The following FOXP1 variants were observed in gnomAD, a reference collection of about 807,000 sequenced individuals.
FOXP1 encodes forkhead box P1.
FOXP1 carries 15 observed loss-of-function variants against 98.2 expected under a neutral mutation model. The ratio of observed to expected loss-of-function variants is 0.15; its 90% CI spans 0.10 to 0.24. The LOEUF is 0.24. Among genes scored for constraint, FOXP1 ranks in the 10% least tolerant of loss-of-function variants. The probability of loss-of-function intolerance (pLI) is 1.00; values close to 1 mark genes in which losing one functional copy is unlikely to be tolerated. For synonymous variants in FOXP1, 371 were observed against 314.5 expected, an observed-to-expected ratio of 1.18 and a Z score of -1.90; for missense variants, 633 against 848.5, an observed-to-expected ratio of 0.75 and a Z score of 3.15.
chr3:71,438,274 C>T (rs2085561404), intron 3 of FOXP1, among the ~76,000 whole-genome samples: 1 of 152,168 alleles, frequency 6.6e-6, no homozygotes, highest in Admixed American at 6.5e-5. Flanking sequence ...AATGTTGTCC[C>T]TTATTCTTCA....
intron 2 of FOXP1, among the ~76,000 whole-genome samples, chr3:71,517,474 G>C (rs2042666387): frequency 6.6e-6 from 1 of 152,134 alleles, no homozygotes; most frequent in Non-Finnish European, 1.5e-5. Context: ...TTAACTGTCA[G>C]GGAAATGTCT....
chr3:71,032,250 A>C (rs955723605), intron 11 of FOXP1, among the ~76,000 whole-genome samples: 5 of 152,230 alleles, frequency 3.3e-5, no homozygotes, highest in South Asian at 2.1e-4. Context: ...TCCCATATTA[A>C]CACCACCTGG....
intron 6 of FOXP1, among the ~76,000 whole-genome samples, chr3:71,190,384 G>A (rs2062890198): frequency 6.6e-6 from 1 of 151,880 alleles, no homozygotes; most frequent in East Asian, 1.9e-4. Context: ...GCTGAGGCAG[G>A]AGGATCGCTT....
At chr3:71,094,302 CAG>C (rs1170504076) in intron 7 of FOXP1, among the ~76,000 whole-genome samples, 3 of 121,458 alleles carry the variant, frequency 2.5e-5, no homozygotes, top group African/African-American at 1.0e-4. Context: ...TTTTTTGAGA[CAG>C]AGTCTCGCTC....
intron 17 of FOXP1, among the ~76,000 whole-genome samples, chr3:70,974,366 T>C (rs556836702): frequency 6.6e-6 from 1 of 152,186 alleles, no homozygotes; most frequent in Non-Finnish European, 1.5e-5. Flanking sequence ...GGTTCAATTA[T>C]GGCTCACTGA....
At chr3:70,982,684 T>C (rs1169200419) in intron 14 of FOXP1, among the ~76,000 whole-genome samples, 1 of 151,870 alleles carries the variant, frequency 6.6e-6, no homozygotes. Context: ...CCCACTATTC[T>C]GCTTAGTCCC....
chr3:71,249,936 G>A (rs567320695), intron 5 of FOXP1, among the ~76,000 whole-genome samples: 35 of 152,156 alleles, frequency 2.3e-4, no homozygotes, highest in Admixed American at 9.8e-4. Context: ...TTTTCTGAAC[G>A]TAATCACAGG....
At position 70,967,700 on chromosome 3, in the gene FOXP1, G is replaced by GTTTTTTTTT. The variant is rs1553657848; in HGVS notation, c.1723-1653_1723-1645dup. Among the ~76,000 whole-genome samples the GTTTTTTTTT allele has an allele frequency of 7.9e-4, 50 of 63,626 alleles. 4 individuals carry two copies. The highest frequency in any genetic ancestry group is 0.013 in the Middle Eastern group (1 of 78). The allele number at this position is 63,626 out of a possible 152,430, so 41.7% of individuals were successfully genotyped here. A position where few individuals can be genotyped will look rare whatever the true frequency, so the allele number is the denominator to read the frequency against. On this transcript the variant is annotated intron_variant, in intron 19 of 20. Coordinates refer to ENST00000649528, the MANE Select transcript of FOXP1 (RefSeq NM_001349338.3). ...CTACTATTATTTGTTTTTTTTTTTT[G>GTTTTTTTTT]TTTTTTTTTGTTTTTTTTTTTTTTT...
chr3:71,246,498 C>T lies in FOXP1; in HGVS notation c.-11-48106G>A, dbSNP rs2067761485. Among the ~76,000 whole-genome samples, 2 of 152,156 alleles carry T rather than the reference C, an allele frequency of 1.3e-5. 1 individual carries two copies. Among genetic ancestry groups the T allele is most frequent in the South Asian group, 4.1e-4 (2 of 4,826 alleles). ...CCCTAGCCTGGAACCTCTGGGCTGC[C>T]CTCTAAACTGCCTTGGTTCTTATCA... On this transcript the variant is annotated intron_variant, in intron 5 of 20. Coordinates refer to ENST00000649528, the MANE Select transcript of FOXP1 (RefSeq NM_001349338.3).
At chr3:71,519,154 G>A (rs1180422056) in intron 2 of FOXP1, among the ~76,000 whole-genome samples, 1 of 152,226 alleles carries the variant, frequency 6.6e-6, no homozygotes, top group African/African-American at 2.4e-5. Context: ...GCCGAGGCAG[G>A]AGAATCACTG....
chr3:71,205,220 C>A (rs2063946441), intron 5 of FOXP1, among the ~76,000 whole-genome samples: 1 of 152,098 alleles, frequency 6.6e-6, no homozygotes, highest in African/African-American at 2.4e-5. Flanking sequence ...TCCGAATTGA[C>A]AAACAAATGA....
chr3:71,272,957 G>C (rs184501358), intron 5 of FOXP1, among the ~76,000 whole-genome samples: 1 of 152,176 alleles, frequency 6.6e-6, no homozygotes, highest in African/African-American at 2.4e-5. Flanking sequence ...CTGGAGAAGG[G>C]AAATTGCTCT....
intron 3 of FOXP1, among the ~76,000 whole-genome samples, chr3:71,384,933 G>C (rs1326351507): frequency 7.9e-5 from 12 of 152,190 alleles, no homozygotes; most frequent in Admixed American, 6.5e-5. Flanking sequence ...GAAAGAAAAA[G>C]AAACGGGCAC....
chr3:71,413,269 C>CACACACACACACACAT, intron 3 of FOXP1, among the ~76,000 whole-genome samples: 1 of 122,918 alleles, frequency 8.1e-6, no homozygotes, highest in Non-Finnish European at 1.6e-5. Flanking sequence ...GACACACACA[C>CACACACACACACACAT]ACACACACAC....
intron 5 of FOXP1, among the ~76,000 whole-genome samples, chr3:71,248,612 G>C (rs372617355): frequency 6.6e-6 from 1 of 152,070 alleles, no homozygotes; most frequent in East Asian, 1.9e-4. Context: ...ATAGTGGCGC[G>C]CACATGTAAT....
intron 11 of FOXP1, among the ~76,000 whole-genome samples, chr3:71,030,509 T>C (rs1263137248): frequency 6.6e-6 from 1 of 152,230 alleles, no homozygotes; most frequent in Admixed American, 6.5e-5. Flanking sequence ...GTAAATGATT[T>C]GTTTGTTCTA....
At chr3:71,340,706 T>C (rs965767307) in intron 4 of FOXP1, among the ~76,000 whole-genome samples, 2 of 152,174 alleles carry the variant, frequency 1.3e-5, no homozygotes, top group Non-Finnish European at 2.9e-5. Context: ...AATTGGACCC[T>C]ACCAGCTGCC....
intron 2 of FOXP1, among the ~76,000 whole-genome samples, chr3:71,494,082 A>G (rs2091247750): frequency 6.6e-6 from 1 of 152,250 alleles, no homozygotes; most frequent in African/African-American, 2.4e-5. Flanking sequence ...ATTATGGATT[A>G]CATAAGGAGC....
chr3:71,128,849 A>G (rs2059392419), intron 6 of FOXP1, among the ~76,000 whole-genome samples: 1 of 152,130 alleles, frequency 6.6e-6, no homozygotes, highest in African/African-American at 2.4e-5. Context: ...GCAAATTCTC[A>G]GAAGGCAAAA....
Sources: allele counts gnomAD v4.1 joint callset (sites outside exome capture counted in the v4.1 genomes callset), GRCh38; gene constraint gnomAD v4.1.1; transcripts MANE v1.5; gene names NCBI Gene and HGNC (gene_info 2026-07-23, HGNC 2026-07-21).